Variants in AK5 observed in about 807,000 individuals in gnomAD.
AK5 encodes adenylate kinase 5, also known as adenylate kinase isoenzyme 5.
Under a neutral mutation model 69.5 loss-of-function variants are expected in AK5, and 27 were observed. That is an observed-to-expected ratio of 0.39 (90% CI 0.29 to 0.54). The LOEUF (loss-of-function observed/expected upper bound fraction) is 0.54, where lower values mean the gene tolerates loss of function less well. AK5 is among the 20% of genes least tolerant of loss of function. The probability of loss-of-function intolerance (pLI) is 0.71; values close to 1 mark genes in which losing one functional copy is unlikely to be tolerated. For missense variants in AK5, 531 were observed against 700.4 expected (o/e 0.76, Z 2.73); for synonymous variants, 260 against 244.4 (o/e 1.06, Z -0.60).
chr1:77,558,472 T>G, intron 13 of AK5, 130 bp from the exon 14 acceptor site: 2 of 529,362 alleles, frequency 3.8e-6, no homozygotes, highest in Non-Finnish European at 3.4e-6. Flanking sequence ...TTTTTCTCTG[T>G]GTTTTGGGGG....
chr1:77,383,541 G>A (rs1217188603), intron 6 of AK5, among the ~76,000 whole-genome samples: 2 of 152,084 alleles, frequency 1.3e-5, no homozygotes, highest in African/African-American at 4.8e-5. Flanking sequence ...CTAAATATCT[G>A]CTACTTATGC....
chr1:77,530,891 AC>A (rs1658536224), intron 12 of AK5, among the ~76,000 whole-genome samples: 1 of 152,052 alleles, frequency 6.6e-6, no homozygotes, highest in South Asian at 2.1e-4. Flanking sequence ...AGGAGGGCAA[AC>A]TTCTCCTCCC....
At chr1:77,415,137 A>G (rs978054390) in intron 7 of AK5, among the ~76,000 whole-genome samples, 4 of 152,168 alleles carry the variant, frequency 2.6e-5, no homozygotes, top group East Asian at 1.9e-4. Context: ...AGGAAATCCA[A>G]TCTCTTCTTA....
intron 5 of AK5, chr1:77,314,758 A>T (rs1660158661): frequency 6.6e-6 from 1 of 152,168 alleles, no homozygotes; most frequent in Non-Finnish European, 1.5e-5. Flanking sequence ...ATCTAGCTAT[A>T]ATTTTGTAAA....
chr1:77,338,428 G>T (rs1661481036), intron 5 of AK5, among the ~76,000 whole-genome samples: 1 of 152,220 alleles, frequency 6.6e-6, no homozygotes. Context: ...TTTTATTTAG[G>T]TGGGAAGTTG....
intron 7 of AK5, among the ~76,000 whole-genome samples, chr1:77,413,734 G>C (rs1650201049): frequency 6.6e-6 from 1 of 152,106 alleles, no homozygotes; most frequent in Non-Finnish European, 1.5e-5. Flanking sequence ...CAGATTTGAG[G>C]GCTCATGGGG....
At chr1:77,297,414 G>A (rs1284780673) in intron 3 of AK5, 145 bp from the exon 4 acceptor site, 1 of 622,502 alleles carries the variant, frequency 1.6e-6, no homozygotes, top group Admixed American at 3.2e-5. Flanking sequence ...ACATTCAAAG[G>A]CAGCACTGAG....
At chr1:77,543,042 G>A (rs1477832923) in intron 13 of AK5, among the ~76,000 whole-genome samples, 1 of 152,238 alleles carries the variant, frequency 6.6e-6, no homozygotes, top group Non-Finnish European at 1.5e-5. Flanking sequence ...TGCTGCTGCA[G>A]TGTCTCAACT....
At chr1:77,491,453 C>A (rs904798356) in intron 10 of AK5, among the ~76,000 whole-genome samples, 1 of 151,944 alleles carries the variant, frequency 6.6e-6, no homozygotes, top group Non-Finnish European at 1.5e-5. Context: ...ATTACAGGCG[C>A]CTGCCATGGC....
At position 77,513,382 on chromosome 1, in the gene AK5, T is replaced by C. The variant is rs562606479; in HGVS notation, c.1148-5182T>C. On this transcript the variant is annotated intron_variant, in intron 10 of 13. Coordinates refer to ENST00000354567, the MANE Select transcript of AK5 (RefSeq NM_174858.3). ...CCCCACTAGATTGTGACCTCTCTGATGGAAAAGACCCAGTTCTGGGTCTTT... is the reference window on the plus strand; with the variant it reads ...CCCCACTAGATTGTGACCTCTCTGACGGAAAAGACCCAGTTCTGGGTCTTT... Among the ~76,000 whole-genome samples the C allele has an allele frequency of 2.0e-5, 3 of 152,324 alleles. No homozygotes were observed. In the East Asian group the frequency reaches 5.8e-4, roughly 29 times the overall value.
At chr1:77,534,121 G>A (rs1273166840) in intron 12 of AK5, among the ~76,000 whole-genome samples, 4 of 152,024 alleles carry the variant, frequency 2.6e-5, no homozygotes, top group Admixed American at 6.6e-5. Flanking sequence ...ACGATATTAC[G>A]AGTTCTCCGT....
chr1:77,464,519 T>C (rs925341128), intron 8 of AK5, among the ~76,000 whole-genome samples: 1 of 152,092 alleles, frequency 6.6e-6, no homozygotes, highest in Non-Finnish European at 1.5e-5. Flanking sequence ...AAATGAGTCT[T>C]TTAATGAGAT....
intron 12 of AK5, among the ~76,000 whole-genome samples, chr1:77,528,282 C>G (rs1277594241): frequency 6.6e-6 from 1 of 151,982 alleles, no homozygotes; most frequent in East Asian, 1.9e-4. Context: ...TAGTATTTCC[C>G]CTAGTGCATC....
chr1:77,501,362 C>T (rs932146318), intron 10 of AK5, among the ~76,000 whole-genome samples: 1 of 152,238 alleles, frequency 6.6e-6, no homozygotes, highest in Non-Finnish European at 1.5e-5. Flanking sequence ...CATCACTTAA[C>T]AACAGGGGTG....
At chr1:77,497,610 T>C (rs1349938897) in intron 10 of AK5, among the ~76,000 whole-genome samples, 2 of 152,160 alleles carry the variant, frequency 1.3e-5, no homozygotes, top group East Asian at 3.9e-4. Flanking sequence ...TTTTGTTTGT[T>C]GTTGTCAGCC....
intron 5 of AK5, among the ~76,000 whole-genome samples, chr1:77,332,573 A>T (rs951974936): frequency 5.4e-5 from 8 of 148,798 alleles, no homozygotes; most frequent in Non-Finnish European, 1.2e-4. Flanking sequence ...ATACATGGGG[A>T]TTTTCTAGTT....
chr1:77,546,582 C>T (rs575402188), intron 13 of AK5, among the ~76,000 whole-genome samples: 3 of 152,114 alleles, frequency 2.0e-5, no homozygotes, highest in South Asian at 2.1e-4. Context: ...TGGTGGTGTG[C>T]GTCTGTAATC....
At chr1:77,426,830 A>G (rs1008270963) in intron 8 of AK5, among the ~76,000 whole-genome samples, 4 of 152,208 alleles carry the variant, frequency 2.6e-5, no homozygotes, top group African/African-American at 9.6e-5. Flanking sequence ...TCAATAACAG[A>G]AAGATAGAAA....
rs1224521009 is a variant in AK5, at chr1:77,306,293, A to G, written c.699+8346A>G. On this transcript the variant is annotated intron_variant, in intron 5 of 13. Coordinates refer to ENST00000354567, the MANE Select transcript of AK5 (RefSeq NM_174858.3). ...TTTTGAGGGCTTTTGTAATGAAGGG[A>G]TGTTTAATTTTATCAAATGCTTTTC... Among the ~76,000 whole-genome samples the G allele has an allele frequency of 2.0e-5, 3 of 151,792 alleles. No individual in the cohort carries two copies. In the East Asian group the frequency reaches 5.8e-4, roughly 29 times the overall value.
Sources: allele counts gnomAD v4.1 joint callset (sites outside exome capture counted in the v4.1 genomes callset), GRCh38; gene constraint gnomAD v4.1.1; transcripts MANE v1.5; gene names NCBI Gene and HGNC (gene_info 2026-07-23, HGNC 2026-07-21).